GLP1R: variants seen among roughly 807,000 people sequenced by gnomAD.
The protein encoded by GLP1R is glucagon like peptide 1 receptor.
In GLP1R, 32 loss-of-function variants were observed where a neutral mutation model predicts 68.4. The observed-to-expected ratio is 0.47, with a 90% CI of 0.35 to 0.63. GLP1R has a LOEUF of 0.63. GLP1R is among the 20% of genes least tolerant of loss of function. GLP1R has a pLI of 0.00. For synonymous variants in GLP1R, 263 were observed against 244.4 expected (o/e 1.08, Z -0.71); for missense variants, 502 against 594.9 (o/e 0.84, Z 1.62).
chr6:39,070,217 CA>C (rs1392611380), intron 5 of GLP1R, among the ~76,000 whole-genome samples: 1 of 152,200 alleles, frequency 6.6e-6, no homozygotes, highest in Non-Finnish European at 1.5e-5. Flanking sequence ...TGGAGGAACA[CA>C]ACATTCAAAT....
At chr6:39,057,448 A>C in intron 2 of GLP1R, 24 bp from the exon 3 acceptor site, 3 of 1,494,290 alleles carry the variant, frequency 2.0e-6, no homozygotes, top group African/African-American at 2.8e-5. Context: ...GCAGGGACTC[A>C]GAGACTGTTC....
Position 39,078,402 on chromosome 6 carries a change from G to C in GLP1R, c.884+20G>C, listed in dbSNP as rs1393822731. ...CGAGGGGTGAGTGTCCTGCTCCAAG[G>C]GGGCGGGTGTGCCCAGGTCCCCATC... is the stretch of plus-strand genomic sequence containing the variant. On this transcript the variant is annotated intron_variant, in intron 8 of 12. Transcript: ENST00000373256. The C allele has an allele frequency of 1.3e-6, 2 of 1,585,560 alleles. 1 individual carries two copies. Among genetic ancestry groups the C allele is most frequent in the East Asian group, 4.5e-5 (2 of 44,712 alleles).
chr6:39,063,950 C>T (rs574633798), intron 3 of GLP1R, among the ~76,000 whole-genome samples: 1 of 129,430 alleles, frequency 7.7e-6, no homozygotes, highest in South Asian at 2.6e-4. Flanking sequence ...CACACACACA[C>T]ACACACACAC....
chr6:39,084,012 G>A (rs1471059802), intron 12 of GLP1R, among the ~76,000 whole-genome samples: 1 of 152,134 alleles, frequency 6.6e-6, no homozygotes, highest in East Asian at 1.9e-4. Context: ...ATGCTGAGAT[G>A]AAGAAGATGT....
chr6:39,049,586 CT>C lies in GLP1R; in HGVS notation c.78+669del, dbSNP rs1768039123. 1.3e-5 allele frequency among the ~76,000 whole-genome samples: 2 copies of C among 152,144 alleles called. No individual in the cohort carries two copies. The highest frequency in any genetic ancestry group is 4.1e-4 in the South Asian group (2 of 4,822). ...AACAGGCAGAAGGCTCAGTGCCCCC[CT>C]GGAAGCAGCCAGGCGCCCCCACTCA... On this transcript the variant is annotated intron_variant, in intron 1 of 12. Coordinates refer to ENST00000373256, the MANE Select transcript of GLP1R (RefSeq NM_002062.5). The surrounding 1 kb of genome is among the most constrained non-coding windows in gnomAD (Gnocchi z 4.5).
At position 39,065,757 on chromosome 6, in the gene GLP1R, G is replaced by T; in HGVS notation, c.330G>T (p.Trp110Cys). 1 of 1,584,854 alleles carries T rather than the reference G, an allele frequency of 6.3e-7. No homozygotes were observed. Among genetic ancestry groups the T allele is most frequent in the Non-Finnish European group, 8.6e-7 (1 of 1,165,338 alleles). ...VYRFCTAEGL[W>C]LQKDNSSLPW... ...GGTTCTGCACAGCTGAAGGCCTCTG[G>T]CTGCAGAAGGACAACTCCAGCCTGC... Residue 110 changes from tryptophan to cysteine, a missense_variant, in exon 4 of 13, where the codon TGG becomes TGT. Physicochemically the swap from Trp to Cys is radical, Grantham distance 215. Coordinates refer to ENST00000373256, the MANE Select transcript of GLP1R (RefSeq NM_002062.5).
In GLP1R at chr6:39,078,395, C is replaced by A; in HGVS notation, c.884+13C>A. ...ATGAGGACGAGGGGTGAGTGTCCTGCTCCAAGGGGGCGGGTGTGCCCAGGT... is the reference window on the plus strand; with the variant it reads ...ATGAGGACGAGGGGTGAGTGTCCTGATCCAAGGGGGCGGGTGTGCCCAGGT... On this transcript the variant is annotated intron_variant, in intron 8 of 12. Transcript: ENST00000373256. The A allele has an allele frequency of 6.3e-7, 1 of 1,596,214 alleles. No individual in the cohort carries two copies. Among genetic ancestry groups the A allele is most frequent in the Non-Finnish European group, 8.6e-7 (1 of 1,163,712 alleles).
chr6:39,085,140 G>A (rs1026164313), intron 12 of GLP1R, among the ~76,000 whole-genome samples: 21 of 152,034 alleles, frequency 1.4e-4, no homozygotes, highest in African/African-American at 5.1e-4. Flanking sequence ...AACCCTCAAG[G>A]GATGGGGGCT....
chr6:39,055,175 C>T (rs1329704197), intron 1 of GLP1R, among the ~76,000 whole-genome samples: 4 of 152,160 alleles, frequency 2.6e-5, no homozygotes, highest in South Asian at 2.1e-4. Context: ...AGCTAGAACC[C>T]GAGACTGGAT....
chr6:39,067,775 T>C (rs369095572), intron 5 of GLP1R, among the ~76,000 whole-genome samples: 51 of 152,344 alleles, frequency 3.3e-4, no homozygotes, highest in African/African-American at 9.6e-4. Flanking sequence ...AAGTCCAAAG[T>C]CTCATCTAAA....
At chr6:39,078,931 A>AG in intron 8 of GLP1R, 26 bp from the exon 9 acceptor site, 1 of 1,599,628 alleles carries the variant, frequency 6.3e-7, no homozygotes, top group South Asian at 1.1e-5. Flanking sequence ...TGCTGGATGC[A>AG]TGTGTGCATC....
intron 5 of GLP1R, among the ~76,000 whole-genome samples, chr6:39,069,868 G>A (rs1768613583): frequency 6.6e-6 from 1 of 152,020 alleles, no homozygotes; most frequent in Admixed American, 6.6e-5. Context: ...CCTTAGACTG[G>A]GTAATTTTTG....
Position 39,080,548 on chromosome 6 carries a change from A to T in GLP1R, c.1183-150A>T. 7.0e-6 allele frequency: 4 copies of T among 569,932 alleles called. 1 individual carries two copies. In the South Asian group the frequency reaches 9.9e-5, roughly 14 times the overall value. The allele number at this position is 569,932 out of a possible 1,614,324, so 35.3% of individuals were successfully genotyped here. A position where few individuals can be genotyped will look rare whatever the true frequency, so the allele number is the denominator to read the frequency against. ...TTCCTTCAGAAAGGAAATGAGAGGG[A>T]AGCCACTGCCCCATTCCTGGATCTG... On this transcript the variant is annotated intron_variant, in intron 11 of 12. Coordinates refer to ENST00000373256, the MANE Select transcript of GLP1R (RefSeq NM_002062.5).
intron 1 of GLP1R, among the ~76,000 whole-genome samples, chr6:39,056,027 A>T (rs1042299803): frequency 1.3e-5 from 2 of 152,154 alleles, no homozygotes; most frequent in African/African-American, 4.8e-5. Flanking sequence ...CGCCAGAAGG[A>T]GCTTAGAGTC....
Position 39,086,433 on chromosome 6 carries a change from A to C in GLP1R, c.*360A>C. 1 of 196,236 alleles carries C rather than the reference A, an allele frequency of 5.1e-6. No homozygotes were observed. Among genetic ancestry groups the C allele is most frequent in the African/African-American group, 2.3e-5 (1 of 43,106 alleles). 12.2% of individuals were successfully genotyped at this position (196,236 alleles called of 1,614,324 possible). On this transcript the variant is annotated 3_prime_UTR_variant, in exon 13 of 13. Transcript: ENST00000373256. This position sits in a 1 kb window ranked among gnomAD's most constrained non-coding sequence, Gnocchi z 4.5. ...GCAAATCAACCCCAGACTCAAACTC[A>C]AGGTCAACGGCTTATTAGTGAAACT... is the stretch of plus-strand genomic sequence containing the variant.
At chr6:39,063,209 T>A (rs553890938) in intron 3 of GLP1R, among the ~76,000 whole-genome samples, 1 of 152,254 alleles carries the variant, frequency 6.6e-6, no homozygotes, top group African/African-American at 2.4e-5. Flanking sequence ...ACCATCTCAT[T>A]CCGCATGGAG....
intron 5 of GLP1R, among the ~76,000 whole-genome samples, chr6:39,071,302 C>T (rs573354509): frequency 3.0e-5 from 4 of 135,174 alleles, no homozygotes; most frequent in African/African-American, 5.6e-5. Context: ...GCCGAGATCA[C>T]GTCACTGCAC....
Position 39,066,230 on chromosome 6 carries a change from A to C in GLP1R, c.436A>C (p.Ile146Leu), listed in dbSNP as rs1462886581. The C allele has an allele frequency of 1.9e-6, 3 of 1,611,292 alleles. No individual in the cohort carries two copies. The African/African-American group carries it at 4.0e-5, about 22-fold the overall frequency. The change falls in exon 5 of 13, where the codon ATC becomes CTC. Residue 146 changes from isoleucine to leucine, a missense_variant. Coordinates refer to ENST00000373256, the MANE Select transcript of GLP1R (RefSeq NM_002062.5). ...GGAGGAGCAGCTCCTGTTCCTCTACATCATCTACACGGTGGGCTACGCACT... is the reference window on the plus strand; with the variant it reads ...GGAGGAGCAGCTCCTGTTCCTCTACCTCATCTACACGGTGGGCTACGCACT... Reference protein sequence around the residue: ...SPEEQLLFLYIIYTVGYALSF... With the variant: ...SPEEQLLFLYLIYTVGYALSF...
Position 39,087,463 on chromosome 6 carries a change from G to C in GLP1R, c.*1390G>C, listed in dbSNP as rs1397385029. 1.3e-5 allele frequency: 2 copies of C among 152,228 alleles called. No individual in the cohort carries two copies. Among genetic ancestry groups the C allele is most frequent in the East Asian group, 3.9e-4 (2 of 5,188 alleles). The allele number at this position is 152,228 out of a possible 1,614,324, so 9.4% of individuals were successfully genotyped here. A position where few individuals can be genotyped will look rare whatever the true frequency, so the allele number is the denominator to read the frequency against. ...CACACAGCAGCACTGCAGATAGCCA[G>C]ACACATGGCTATCCTAGAGAGGCTG... On this transcript the variant is annotated 3_prime_UTR_variant, in exon 13 of 13. Transcript: ENST00000373256.
Sources: allele counts gnomAD v4.1 joint callset (sites outside exome capture counted in the v4.1 genomes callset), GRCh38; gene constraint gnomAD v4.1.1; non-coding constraint Gnocchi (gnomAD v3.1); transcripts MANE v1.5; gene names NCBI Gene and HGNC (gene_info 2026-07-23, HGNC 2026-07-21).